NRG3: variants seen among roughly 807,000 people sequenced by gnomAD.
NRG3 encodes the protein pro-neuregulin-3, membrane-bound isoform.
Under a neutral mutation model 66.9 loss-of-function variants are expected in NRG3, and 31 were observed. The observed-to-expected ratio is 0.46, with a 90% CI of 0.35 to 0.63. NRG3 has a LOEUF of 0.63. Among genes scored for constraint, NRG3 ranks in the 20% least tolerant of loss-of-function variants. The probability of loss-of-function intolerance (pLI) is 0.00; values close to 1 mark genes in which losing one functional copy is unlikely to be tolerated. For missense variants in NRG3, 910 were observed against 878.9 expected (o/e 1.04, Z -0.45); for synonymous variants, 393 against 359.4 (o/e 1.09, Z -1.06).
intron 1 of NRG3, among the ~76,000 whole-genome samples, chr10:82,219,421 G>A (rs552317391): frequency 6.6e-6 from 1 of 151,844 alleles, no homozygotes; most frequent in South Asian, 2.1e-4. Flanking sequence ...CTACTCTTGG[G>A]AAAGATGAAT....
At chr10:82,899,450 A>C (rs1031274928) in intron 4 of NRG3, among the ~76,000 whole-genome samples, 2 of 152,228 alleles carry the variant, frequency 1.3e-5, no homozygotes, top group Non-Finnish European at 2.9e-5. Flanking sequence ...CTTAGGAAAT[A>C]TATCAGTACA....
At chr10:82,907,626 T>A (rs1324802463) in intron 4 of NRG3, among the ~76,000 whole-genome samples, 1 of 152,214 alleles carries the variant, frequency 6.6e-6, no homozygotes, top group African/African-American at 2.4e-5. Context: ...ACCTTCGTAG[T>A]TGCTATTAAA....
chr10:82,939,468 T>TTTG (rs146760969), intron 4 of NRG3, among the ~76,000 whole-genome samples: 6 of 126,294 alleles, frequency 4.8e-5, no homozygotes, highest in African/African-American at 1.7e-4. Flanking sequence ...TTATTGGTTT[T>TTTG]TTGTTGTTGT....
At chr10:82,922,271 GC>G (rs1201647897) in intron 4 of NRG3, among the ~76,000 whole-genome samples, 1 of 152,138 alleles carries the variant, frequency 6.6e-6, no homozygotes, top group Non-Finnish European at 1.5e-5. Context: ...TCATCGGGCA[GC>G]CCCGTGGAGG....
At chr10:82,102,508 T>A (rs1271302545) in intron 1 of NRG3, among the ~76,000 whole-genome samples, 6 of 151,588 alleles carry the variant, frequency 4.0e-5, no homozygotes, top group African/African-American at 1.2e-4. Context: ...AGTTAGATTT[T>A]TTTTCCCTCC....
rs547520515 is a variant in NRG3, at chr10:82,933,988, G to C, written c.1055-17481G>C. Among the ~76,000 whole-genome samples, 3 of 152,278 alleles carry C rather than the reference G, an allele frequency of 2.0e-5. No individual in the cohort carries two copies. The East Asian group carries it at 5.8e-4, about 29-fold the overall frequency. ...GAGGTAAATGGGGGTCTGGGCTCTG[G>C]ATTGGGTTGGTTTTTATTTGAAAAG... On this transcript the variant is annotated intron_variant, in intron 4 of 8. Coordinates refer to ENST00000372141, the MANE Select transcript of NRG3 (RefSeq NM_001010848.4).
At chr10:82,904,630 T>C (rs929514855) in intron 4 of NRG3, among the ~76,000 whole-genome samples, 9 of 152,148 alleles carry the variant, frequency 5.9e-5, no homozygotes, top group Admixed American at 3.9e-4. Flanking sequence ...AAGGAATACA[T>C]AGAAGCATAT....
At chr10:82,688,367 T>TA (rs1279247067) in intron 2 of NRG3, among the ~76,000 whole-genome samples, 1 of 152,208 alleles carries the variant, frequency 6.6e-6, no homozygotes, top group Non-Finnish European at 1.5e-5. Context: ...CGATGTTTGT[T>TA]AAAGTGTTTT....
intron 2 of NRG3, among the ~76,000 whole-genome samples, chr10:82,569,916 C>T (rs1295538388): frequency 6.6e-6 from 1 of 151,618 alleles, no homozygotes; most frequent in Non-Finnish European, 1.5e-5. Context: ...TCACACTTGC[C>T]TTCATAAGTC....
At chr10:82,090,902 A>T (rs1430413906) in intron 1 of NRG3, among the ~76,000 whole-genome samples, 2 of 152,100 alleles carry the variant, frequency 1.3e-5, no homozygotes, top group East Asian at 3.9e-4. Context: ...AGGCAGAAAA[A>T]GGTAGTGCTT....
At chr10:82,767,917 A>G (rs1379348928) in intron 3 of NRG3, among the ~76,000 whole-genome samples, 2 of 150,242 alleles carry the variant, frequency 1.3e-5, no homozygotes, top group Non-Finnish European at 3.0e-5. Flanking sequence ...GTTCATGTTT[A>G]AGAGTAAAGT....
At chr10:82,692,174 A>G (rs577979662) in intron 2 of NRG3, among the ~76,000 whole-genome samples, 16 of 150,954 alleles carry the variant, frequency 1.1e-4, no homozygotes, top group African/African-American at 3.7e-4. Context: ...AATCGCTTGA[A>G]CCCAGGAGGC....
intron 1 of NRG3, among the ~76,000 whole-genome samples, chr10:81,912,592 G>T (rs1589433674): frequency 6.6e-6 from 1 of 152,334 alleles, no homozygotes; most frequent in Non-Finnish European, 1.5e-5. Context: ...TGGGGGAGCA[G>T]GTAGCAGAGT....
At chr10:82,524,474 A>G (rs913835337) in intron 2 of NRG3, among the ~76,000 whole-genome samples, 1 of 151,950 alleles carries the variant, frequency 6.6e-6, no homozygotes, top group Non-Finnish European at 1.5e-5. Flanking sequence ...ACATTTGTAA[A>G]CTGGAATCAT....
chr10:82,154,682 A>G (rs895856613), intron 1 of NRG3, among the ~76,000 whole-genome samples: 2 of 151,702 alleles, frequency 1.3e-5, no homozygotes, highest in Non-Finnish European at 3.0e-5. Flanking sequence ...AAATGATATT[A>G]ATTCTTCTAA....
At chr10:82,793,645 G>A (rs1284975395) in intron 3 of NRG3, among the ~76,000 whole-genome samples, 1 of 152,114 alleles carries the variant, frequency 6.6e-6, no homozygotes, top group Admixed American at 6.5e-5. Context: ...CAACAACGAA[G>A]TTTCATTTCT....
Position 82,098,570 on chromosome 10 carries a change from G to A in NRG3, c.823+222407G>A, listed in dbSNP as rs557452330. The stretch of plus-strand genomic sequence containing the variant: ...TGGATACACTATCTCTAGCTTCCAA[G>A]GCATTTTCTATTCAAATAGAGCCCC... On this transcript the variant is annotated intron_variant, in intron 1 of 8. Transcript: ENST00000372141. Among the ~76,000 whole-genome samples, 50 of 152,180 alleles carry A rather than the reference G, an allele frequency of 3.3e-4. 1 individual carries two copies. The highest frequency in any genetic ancestry group is 1.2e-3 in the African/African-American group (49 of 41,540).
At chr10:82,890,089 C>T (rs1402162976) in intron 4 of NRG3, among the ~76,000 whole-genome samples, 1 of 149,476 alleles carries the variant, frequency 6.7e-6, no homozygotes, top group Admixed American at 6.7e-5. Context: ...CTATGGGAAC[C>T]TTATTAGAAA....
intron 1 of NRG3, among the ~76,000 whole-genome samples, chr10:81,959,758 A>G (rs551568916): frequency 1.7e-4 from 26 of 152,164 alleles, no homozygotes; most frequent in African/African-American, 5.5e-4. Flanking sequence ...CCAGCCCAAT[A>G]CTATGAATAG....
Sources: allele counts gnomAD v4.1 joint callset (sites outside exome capture counted in the v4.1 genomes callset), GRCh38; gene constraint gnomAD v4.1.1; transcripts MANE v1.5; gene names NCBI Gene and HGNC (gene_info 2026-07-23, HGNC 2026-07-21).